Variants in FSHR observed in about 807,000 individuals in gnomAD.
FSHR encodes the protein follicle stimulating hormone receptor.
FSHR carries 46 observed loss-of-function variants against 52.1 expected under a neutral mutation model. That is an observed-to-expected ratio of 0.88 (90% confidence interval 0.70 to 1.13). The LOEUF is 1.13. FSHR is among the 50% of genes most tolerant of loss of function. The pLI is 0.00. For missense variants in FSHR, 964 were observed against 834.6 expected (o/e 1.16, Z -1.91); for synonymous variants, 399 against 309.6 (o/e 1.29, Z -3.03).
intron 6 of FSHR, among the ~76,000 whole-genome samples, chr2:48,985,285 A>G (rs1204263482): frequency 6.6e-6 from 1 of 152,142 alleles, no homozygotes; most frequent in Non-Finnish European, 1.5e-5. Flanking sequence ...CATCCTAAAG[A>G]GTGGAGGTGC....
At chr2:48,987,042 A>G (rs1675545660) in intron 6 of FSHR, among the ~76,000 whole-genome samples, 1 of 152,176 alleles carries the variant, frequency 6.6e-6, no homozygotes, top group Admixed American at 6.5e-5. Context: ...AAACATAAAC[A>G]TCTAGGTATA....
In FSHR at chr2:48,963,261, C is replaced by T; in HGVS notation, c.1560G>A (p.Met520Ile). 1 of 1,614,124 alleles carries T rather than the reference C, an allele frequency of 6.2e-7. No individual in the cohort carries two copies. Among genetic ancestry groups the T allele is most frequent in the Non-Finnish European group, 8.5e-7 (1 of 1,180,012 alleles). The change falls in exon 10 of 10, where the codon ATG (methionine) becomes ATA (isoleucine). Residue 520 changes from methionine to isoleucine, a missense_variant. Transcript: ENST00000406846. ...SYMKVSICLP[M>I]DIDSPLSQLY... ...GCTGTGACAAAGGGCTGTCAATATC[C>T]ATGGGCAGGCAGATGCTCACCTTCA...
chr2:49,104,494 TAGAA>T (rs1414771514), intron 1 of FSHR, among the ~76,000 whole-genome samples: 2 of 152,130 alleles, frequency 1.3e-5, no homozygotes, highest in Non-Finnish European at 2.9e-5. Context: ...TTCTTTTAGA[TAGAA>T]AGAAAAGCTT....
chr2:49,084,704 A>G (rs1670310061), intron 1 of FSHR, among the ~76,000 whole-genome samples: 1 of 152,244 alleles, frequency 6.6e-6, no homozygotes, highest in Non-Finnish European at 1.5e-5. Context: ...CCATCAGAGA[A>G]TACTACAAAC....
chr2:49,070,357 A>G (rs779276253), intron 1 of FSHR, among the ~76,000 whole-genome samples: 5 of 152,186 alleles, frequency 3.3e-5, no homozygotes, highest in Non-Finnish European at 7.4e-5. Context: ...ATCTACTTCT[A>G]GAATATCTAT....
At chr2:48,987,230 G>A (rs999399848) in intron 6 of FSHR, among the ~76,000 whole-genome samples, 1 of 151,884 alleles carries the variant, frequency 6.6e-6, no homozygotes, top group Non-Finnish European at 1.5e-5. Flanking sequence ...TTGAGATGGA[G>A]TCTCACTCTG....
At chr2:49,015,450 C>T (rs146207219) in intron 4 of FSHR, among the ~76,000 whole-genome samples, 19 of 152,206 alleles carry the variant, frequency 1.2e-4, no homozygotes, top group East Asian at 3.9e-4. Context: ...TTGAGCACTT[C>T]GTATTTGACA....
At chr2:49,075,279 C>G (rs1163864082) in intron 1 of FSHR, among the ~76,000 whole-genome samples, 2 of 152,100 alleles carry the variant, frequency 1.3e-5, no homozygotes, top group Non-Finnish European at 2.9e-5. Context: ...ATTGAAACAT[C>G]ACTATGCTCC....
chr2:49,079,834 T>C (rs916974472), intron 1 of FSHR, among the ~76,000 whole-genome samples: 1 of 151,822 alleles, frequency 6.6e-6, no homozygotes, highest in Non-Finnish European at 1.5e-5. Flanking sequence ...CACACAAAAA[T>C]CCCGCACTAA....
At chr2:48,984,242 G>A (rs534649780) in intron 6 of FSHR, among the ~76,000 whole-genome samples, 6 of 152,252 alleles carry the variant, frequency 3.9e-5, no homozygotes, top group African/African-American at 9.6e-5. Flanking sequence ...AGAAAGGGGC[G>A]AGGCAAATCT....
chr2:49,044,225 G>GT (rs1001180352), intron 2 of FSHR, among the ~76,000 whole-genome samples: 1 of 152,138 alleles, frequency 6.6e-6, no homozygotes. Flanking sequence ...GTGATATGCT[G>GT]TTTTTTTCTG....
chr2:49,114,850 T>C (rs761618417), intron 1 of FSHR, among the ~76,000 whole-genome samples: 2 of 152,012 alleles, frequency 1.3e-5, no homozygotes, highest in African/African-American at 2.4e-5. Flanking sequence ...ATTGTTACAA[T>C]GATCATACAA....
rs752156285 is a variant in FSHR, at chr2:49,017,613, G to A, written c.300-50C>T. 9.5e-6 allele frequency: 13 copies of A among 1,364,470 alleles called. No individual in the cohort carries two copies. In the East Asian group the frequency reaches 2.3e-4, roughly 24 times the overall value. 84.5% of individuals were successfully genotyped at this position (1,364,470 alleles called of 1,614,324 possible). ...AGTGATCTTGATGGTAAGGAATGCT[G>A]TAGTATTTTTCACATTTTACAGAGT... is the stretch of plus-strand genomic sequence containing the variant. On this transcript the variant is annotated intron_variant, in intron 3 of 9. Coordinates refer to ENST00000406846, the MANE Select transcript of FSHR (RefSeq NM_000145.4).
chr2:49,038,272 G>A (rs1216993581), intron 2 of FSHR, among the ~76,000 whole-genome samples: 7 of 152,226 alleles, frequency 4.6e-5, no homozygotes, highest in African/African-American at 1.7e-4. Context: ...TAGAGTTTAA[G>A]AAGTGAAGTC....
At chr2:48,974,816 A>T (rs1390083531) in intron 8 of FSHR, among the ~76,000 whole-genome samples, 2 of 152,322 alleles carry the variant, frequency 1.3e-5, no homozygotes, top group East Asian at 3.9e-4. Flanking sequence ...AGACTTAACT[A>T]TAGTATATTC....
At chr2:48,988,688 G>C (rs1469261915) in intron 6 of FSHR, among the ~76,000 whole-genome samples, 2 of 152,146 alleles carry the variant, frequency 1.3e-5, no homozygotes, top group Non-Finnish European at 2.9e-5. Flanking sequence ...TAGCTTTATT[G>C]ATGCATGAGT....
intron 1 of FSHR, among the ~76,000 whole-genome samples, chr2:49,095,004 T>C (rs1484865981): frequency 6.6e-6 from 1 of 152,124 alleles, no homozygotes; most frequent in Non-Finnish European, 1.5e-5. Context: ...GTGAATACTA[T>C]GTAGTATTGT....
intron 1 of FSHR, among the ~76,000 whole-genome samples, chr2:49,137,491 T>A (rs1672528330): frequency 6.6e-6 from 1 of 152,092 alleles, no homozygotes; most frequent in Non-Finnish European, 1.5e-5. Flanking sequence ...GACAGGCTGA[T>A]TCTAAAATAT....
chr2:49,139,560 T>C lies in FSHR; in HGVS notation c.152+14706A>G, dbSNP rs113999922. Among the ~76,000 whole-genome samples, 432 of 151,986 alleles carry C rather than the reference T, an allele frequency of 2.8e-3. 2 individuals carry two copies. Among genetic ancestry groups the C allele is most frequent in the African/African-American group, 0.01 (417 of 41,470 alleles). On this transcript the variant is annotated intron_variant, in intron 1 of 9. Transcript: ENST00000406846. Reference sequence around the variant, plus strand: ...GCATATACTTGGAGAAATGCTAAAGTGCCAGCCTTTAAAGGTAAAGATTTT... The same window carrying C: ...GCATATACTTGGAGAAATGCTAAAGCGCCAGCCTTTAAAGGTAAAGATTTT...
Sources: gnomAD v4.1 joint callset for allele counts (sites outside exome capture counted in the v4.1 genomes callset) on GRCh38, gnomAD v4.1.1 for gene constraint, MANE v1.5 for transcripts, NCBI Gene and HGNC (gene_info 2026-07-23, HGNC 2026-07-21) for gene names.